Variants in HSD17B14 observed in about 807,000 individuals in gnomAD.
HSD17B14 encodes the protein L-fucose dehydrogenase.
In HSD17B14, 32 loss-of-function variants were observed where a neutral mutation model predicts 32.2. The ratio of observed to expected loss-of-function variants is 0.99; its 90% CI spans 0.75 to 1.33. The LOEUF (loss-of-function observed/expected upper bound fraction) is 1.33. Ranked by LOEUF, HSD17B14 falls within the 40% of genes most tolerant of loss-of-function variation. The probability of loss-of-function intolerance (pLI) is 0.00; values close to 1 mark genes in which losing one functional copy is unlikely to be tolerated. For missense variants in HSD17B14, 370 were observed against 366.5 expected (o/e 1.01, Z -0.08); for synonymous variants, 140 against 155.4 (o/e 0.90, Z 0.74).
rs577822881 is a variant in HSD17B14, at chr19:48,813,308, G to A, written c.680C>T (p.Ala227Val). Reference sequence around the variant, plus strand: ...GGCTTCGGAGGCCAGGAACACTGCCGCAGCCCCGACCTCAGCGGGCTGGCC... The same window carrying A: ...GGCTTCGGAGGCCAGGAACACTGCCACAGCCCCGACCTCAGCGGGCTGGCC... ...RMGQPAEVGA[A>V]AVFLASEANF... is the part of the protein sequence containing the mutation. The change falls in exon 9 of 9, where the codon GCG becomes GTG. Residue 227 changes from alanine (A) to valine (V), a missense_variant. Transcript: ENST00000263278. 16 of 1,597,584 alleles carry A rather than the reference G, an allele frequency of 1.0e-5. No individual in the cohort carries two copies. Among genetic ancestry groups the A allele is most frequent in the Non-Finnish European group, 1.3e-5 (15 of 1,172,214 alleles).
chr19:48,829,615 G>A (rs1209570445), intron 5 of HSD17B14, among the ~76,000 whole-genome samples: 2 of 147,664 alleles, frequency 1.4e-5, no homozygotes, highest in South Asian at 4.3e-4. Context: ...AGGATTACAG[G>A]CATGAGCTAC....
At chr19:48,816,762 C>A (rs2035057269) in intron 5 of HSD17B14, among the ~76,000 whole-genome samples, 2 of 111,122 alleles carry the variant, frequency 1.8e-5, no homozygotes, top group South Asian at 5.2e-4. Context: ...CCAGCATGGG[C>A]AGCTTAGCAA....
Position 48,822,892 on chromosome 19 carries a change from C to T in HSD17B14, c.370-7751G>A, listed in dbSNP as rs369744292. 2.2e-4 allele frequency among the ~76,000 whole-genome samples: 33 copies of T among 151,612 alleles called. No homozygotes were observed. The South Asian group carries it at 4.4e-3, about 20-fold the overall frequency. Reference sequence around the variant, plus strand: ...GTGAAAATGGTGATGGTGAGGATGACGGTGAGAATGATGGTGAGGGTGGTA... The same window carrying T: ...GTGAAAATGGTGATGGTGAGGATGATGGTGAGAATGATGGTGAGGGTGGTA... On this transcript the variant is annotated intron_variant, in intron 5 of 8. Transcript: ENST00000263278.
In HSD17B14 at chr19:48,813,642, CGCCT is replaced by C. The variant is rs2035001045; in HGVS notation, c.542+17_542+20del. The C allele has an allele frequency of 6.2e-7, 1 of 1,613,886 alleles. No homozygotes were observed. Among genetic ancestry groups the C allele is most frequent in the African/African-American group, 1.3e-5 (1 of 74,920 alleles). ...ACCCCAGTCCCCCCAGGAGGCTCTC[CGCCT>C]GCTCAGAGCAGCTCACCAGTTGACT... On this transcript the variant is annotated intron_variant, in intron 7 of 8. Coordinates refer to ENST00000263278, the MANE Select transcript of HSD17B14 (RefSeq NM_016246.3).
At chr19:48,822,154 G>C (rs1349908609) in intron 5 of HSD17B14, among the ~76,000 whole-genome samples, 2 of 151,022 alleles carry the variant, frequency 1.3e-5, no homozygotes, top group Non-Finnish European at 2.9e-5. Flanking sequence ...GATGATTGTG[G>C]TAATGACAGT....
intron 5 of HSD17B14, among the ~76,000 whole-genome samples, chr19:48,827,463 G>A (rs867125247): frequency 6.6e-6 from 1 of 152,154 alleles, no homozygotes; most frequent in Non-Finnish European, 1.5e-5. Context: ...GGAGAATAAA[G>A]ATGTTATGGA....
chr19:48,821,175 G>A (rs1190040667), intron 5 of HSD17B14, among the ~76,000 whole-genome samples: 1 of 151,978 alleles, frequency 6.6e-6, no homozygotes, highest in Non-Finnish European at 1.5e-5. Flanking sequence ...ACCACGCCCA[G>A]CTAATTTTTT....
chr19:48,827,045 CTT>C (rs770386507), intron 5 of HSD17B14, among the ~76,000 whole-genome samples: 14 of 143,222 alleles, frequency 9.8e-5, no homozygotes, highest in East Asian at 2.0e-4. Context: ...TAAAACCCCA[CTT>C]TTTTTTTTTT....
chr19:48,823,291 TC>T (rs2035189927), intron 5 of HSD17B14, among the ~76,000 whole-genome samples: 2 of 152,090 alleles, frequency 1.3e-5, no homozygotes, highest in Non-Finnish European at 2.9e-5. Context: ...ATGTCTGTTG[TC>T]CCAGCAACCT....
chr19:48,816,327 T>C (rs2035051246), intron 5 of HSD17B14, among the ~76,000 whole-genome samples: 1 of 152,072 alleles, frequency 6.6e-6, no homozygotes, highest in Non-Finnish European at 1.5e-5. Context: ...CCCCACCAAC[T>C]CTTTCAAGCC....
At chr19:48,826,195 T>C (rs1243168500) in intron 5 of HSD17B14, among the ~76,000 whole-genome samples, 2 of 151,538 alleles carry the variant, frequency 1.3e-5, no homozygotes, top group Non-Finnish European at 1.5e-5. Context: ...ATGTTGGCAA[T>C]GAATGAAAAA....
chr19:48,825,012 C>T (rs1025985042), intron 5 of HSD17B14, among the ~76,000 whole-genome samples: 5 of 151,738 alleles, frequency 3.3e-5, no homozygotes, highest in South Asian at 2.1e-4. Flanking sequence ...CCGAGGCAGG[C>T]GGATCACTTG....
intron 5 of HSD17B14, among the ~76,000 whole-genome samples, chr19:48,825,868 T>C (rs905615568): frequency 1.3e-5 from 2 of 152,036 alleles, no homozygotes; most frequent in Admixed American, 6.6e-5. Flanking sequence ...TCACCCAGGC[T>C]GGAGTGCAGT....
At chr19:48,817,657 G>T (rs1338096633) in intron 5 of HSD17B14, among the ~76,000 whole-genome samples, 1 of 152,134 alleles carries the variant, frequency 6.6e-6, no homozygotes, top group African/African-American at 2.4e-5. Flanking sequence ...GGATGGTCAA[G>T]ATTTCTTATT....
At chr19:48,835,939 C>A in intron 1 of HSD17B14, 96 bp from the exon 2 acceptor site, 1 of 1,042,590 alleles carries the variant, frequency 9.6e-7, no homozygotes, top group Non-Finnish European at 1.5e-6. Context: ...TCTCCCTCTC[C>A]CCTCGTGACC....
intron 6 of HSD17B14, among the ~76,000 whole-genome samples, chr19:48,814,121 T>C (rs1447176487): frequency 1.3e-5 from 2 of 148,578 alleles, no homozygotes; most frequent in Non-Finnish European, 3.0e-5. Flanking sequence ...CTTGAACCCA[T>C]GAGGCAGGGG....
intron 5 of HSD17B14, among the ~76,000 whole-genome samples, chr19:48,815,567 G>A (rs973903090): frequency 7.9e-5 from 12 of 152,142 alleles, no homozygotes; most frequent in Admixed American, 7.9e-4. Context: ...CTGGACTGCA[G>A]TGGCACGATC....
In HSD17B14 at chr19:48,813,364, G is replaced by T; in HGVS notation, c.640-16C>A. 6.4e-7 allele frequency: 1 copy of T among 1,562,120 alleles called. No homozygotes were observed. Among genetic ancestry groups the T allele is most frequent in the Admixed American group, 1.9e-5 (1 of 51,902 alleles). ...GGCCCAGTGGCTGGGGAGAAAAGAG[G>T]GGGGAAGGAGGTCAAGAGGAGCCCC... On this transcript the variant is annotated splice_polypyrimidine_tract_variant and intron_variant, in intron 8 of 8. Transcript: ENST00000263278.
intron 5 of HSD17B14, among the ~76,000 whole-genome samples, chr19:48,825,404 T>C (rs1461269404): frequency 2.6e-5 from 4 of 151,886 alleles, no homozygotes; most frequent in Non-Finnish European, 4.4e-5. Flanking sequence ...CTCAACCTCC[T>C]GGGCTCAAGT....
Sources: allele counts gnomAD v4.1 joint callset (sites outside exome capture counted in the v4.1 genomes callset), GRCh38; gene constraint gnomAD v4.1.1; transcripts MANE v1.5; gene names NCBI Gene and HGNC (gene_info 2026-07-23, HGNC 2026-07-21).